IGF2BP2: variants seen among roughly 807,000 people sequenced by gnomAD.
The protein encoded by IGF2BP2 is insulin like growth factor 2 mRNA binding protein 2.
IGF2BP2 carries 17 observed loss-of-function variants against 75.8 expected under a neutral mutation model. That is an observed-to-expected ratio of 0.22 (90% confidence interval 0.15 to 0.34). The LOEUF (loss-of-function observed/expected upper bound fraction) is 0.34, where lower values mean the gene tolerates loss of function less well. Ranked by LOEUF, IGF2BP2 falls within the 10% of genes least tolerant of loss-of-function variation. IGF2BP2 has a pLI of 1.00. For missense variants in IGF2BP2, 516 were observed against 772.4 expected (o/e 0.67, Z 3.93); for synonymous variants, 288 against 295.6 (o/e 0.97, Z 0.26).
intron 2 of IGF2BP2, among the ~76,000 whole-genome samples, chr3:185,818,277 G>C (rs1740868081): frequency 2.0e-5 from 3 of 152,126 alleles, no homozygotes; most frequent in South Asian, 2.1e-4. Context: ...TGTGACAGGG[G>C]ATAGCCAAGT....
intron 13 of IGF2BP2, among the ~76,000 whole-genome samples, chr3:185,650,298 GA>G (rs1714376030): frequency 6.6e-6 from 1 of 151,036 alleles, no homozygotes; most frequent in Admixed American, 6.6e-5. Context: ...TAGTGAAAAA[GA>G]ACCACAGCTT....
chr3:185,794,116 C>T (rs1737015154), intron 2 of IGF2BP2, among the ~76,000 whole-genome samples: 1 of 151,960 alleles, frequency 6.6e-6, no homozygotes. Flanking sequence ...TGCCACCACA[C>T]CTGGCTAATT....
intron 2 of IGF2BP2, among the ~76,000 whole-genome samples, chr3:185,785,989 T>A (rs1245187037): frequency 6.6e-6 from 1 of 152,250 alleles, no homozygotes; most frequent in Non-Finnish European, 1.5e-5. Flanking sequence ...ATTCAGAGGT[T>A]GATAAGATAC....
At chr3:185,750,104 G>A (rs982446598) in intron 2 of IGF2BP2, among the ~76,000 whole-genome samples, 4 of 152,148 alleles carry the variant, frequency 2.6e-5, no homozygotes, top group Admixed American at 2.6e-4. Flanking sequence ...TGAATCTGGG[G>A]TGGGGCCTTA....
intron 2 of IGF2BP2, among the ~76,000 whole-genome samples, chr3:185,811,004 A>G (rs1051269651): frequency 6.6e-6 from 1 of 152,104 alleles, no homozygotes; most frequent in African/African-American, 2.4e-5. Context: ...TTTTTTTCAT[A>G]AACATGTATT....
intron 10 of IGF2BP2, among the ~76,000 whole-genome samples, chr3:185,669,775 A>T (rs1718237214): frequency 6.6e-6 from 1 of 152,210 alleles, no homozygotes; most frequent in South Asian, 2.1e-4. Flanking sequence ...TTGAATGCCT[A>T]TGTGACAGGA....
chr3:185,751,645 C>CA (rs935604419), intron 2 of IGF2BP2, among the ~76,000 whole-genome samples: 3 of 149,304 alleles, frequency 2.0e-5, no homozygotes, highest in African/African-American at 7.4e-5. Flanking sequence ...AACTCCATCT[C>CA]AAAAAAAAGA....
chr3:185,694,217 G>C (rs565135479), intron 4 of IGF2BP2, among the ~76,000 whole-genome samples: 1 of 152,282 alleles, frequency 6.6e-6, no homozygotes, highest in East Asian at 1.9e-4. Flanking sequence ...AAACAGGGGA[G>C]GTGTAGCACA....
At chr3:185,665,578 G>GAGAAAAGGAAGAAGA (rs887296867) in intron 10 of IGF2BP2, among the ~76,000 whole-genome samples, 1 of 145,808 alleles carries the variant, frequency 6.9e-6, no homozygotes, top group East Asian at 2.1e-4. Context: ...GGAGAAGAAG[G>GAGAAAAGGAAGAAGA]AGAAAAGGAA....
chr3:185,757,047 T>C (rs183316629), intron 2 of IGF2BP2, among the ~76,000 whole-genome samples: 41 of 152,256 alleles, frequency 2.7e-4, no homozygotes, highest in Middle Eastern at 3.4e-3. Flanking sequence ...CGATACTCCA[T>C]GGTTCTAGCC....
In IGF2BP2 at chr3:185,782,908, T is replaced by C. The variant is rs573022655; in HGVS notation, c.239+40245A>G. ...TTCTCCCAAAGTCTTGTGGTGGTTA[T>C]TGTTTTCAACTCCATCTTTAAGAGC... On this transcript the variant is annotated intron_variant, in intron 2 of 15. Coordinates refer to ENST00000382199, the MANE Select transcript of IGF2BP2 (RefSeq NM_006548.6). Among the ~76,000 whole-genome samples the C allele has an allele frequency of 5.3e-5, 8 of 152,334 alleles. 1 individual carries two copies. Among genetic ancestry groups the C allele is most frequent in the South Asian group, 4.1e-4 (2 of 4,828 alleles).
At chr3:185,802,911 C>T (rs1037248525) in intron 2 of IGF2BP2, among the ~76,000 whole-genome samples, 1 of 152,180 alleles carries the variant, frequency 6.6e-6, no homozygotes, top group South Asian at 2.1e-4. Context: ...GTAAGCCACC[C>T]GCCCGGCCAG....
rs908634008 is a variant in IGF2BP2, at chr3:185,645,965, C to G, written c.1708-342G>C. ...TACACTTGGGCTCCCGTGCTGCTCC[C>G]GCCCCCGTTCTACAGCGGCTAGGAG... On this transcript the variant is annotated intron_variant, in intron 15 of 15. Transcript: ENST00000382199. This position sits in a 1 kb window ranked among gnomAD's most constrained non-coding sequence, Gnocchi z 4.9. 6.6e-6 allele frequency among the ~76,000 whole-genome samples: 1 copy of G among 152,102 alleles called. No individual in the cohort carries two copies. Among genetic ancestry groups the G allele is most frequent in the African/African-American group, 2.4e-5 (1 of 41,408 alleles).
chr3:185,775,516 A>C (rs1048957694), intron 2 of IGF2BP2, among the ~76,000 whole-genome samples: 20 of 152,336 alleles, frequency 1.3e-4, no homozygotes, highest in African/African-American at 3.6e-4. Flanking sequence ...CAAGCCAAAG[A>C]AGCAGCCTGA....
intron 2 of IGF2BP2, among the ~76,000 whole-genome samples, chr3:185,758,288 T>C (rs1012531149): frequency 6.6e-6 from 1 of 152,148 alleles, no homozygotes; most frequent in African/African-American, 2.4e-5. Context: ...ATCCAAAGTG[T>C]ATATCAATTA....
Position 185,693,048 on chromosome 3 carries a change from T to C in IGF2BP2, c.341-286A>G, listed in dbSNP as rs1722158886. The C allele has an allele frequency of 2.2e-5, 6 of 272,092 alleles. No homozygotes were observed. The East Asian group carries it at 4.3e-4, about 20-fold the overall frequency. 16.9% of individuals were successfully genotyped at this position (272,092 alleles called of 1,614,324 possible). On this transcript the variant is annotated intron_variant, in intron 4 of 15. Transcript: ENST00000382199. ...GTATCAGTACATTTTCTTTGTATTTTTCATTTTTAATGTCTATATAAAATT... is the reference window on the plus strand; with the variant it reads ...GTATCAGTACATTTTCTTTGTATTTCTCATTTTTAATGTCTATATAAAATT...
At chr3:185,793,285 T>C (rs1354282914) in intron 2 of IGF2BP2, among the ~76,000 whole-genome samples, 1 of 152,138 alleles carries the variant, frequency 6.6e-6, no homozygotes, top group Non-Finnish European at 1.5e-5. Context: ...CTGGTGGCCT[T>C]GGGAGAGTGG....
chr3:185,720,400 A>G (rs995332448), intron 2 of IGF2BP2, among the ~76,000 whole-genome samples: 5 of 152,170 alleles, frequency 3.3e-5, no homozygotes, highest in African/African-American at 1.2e-4. Context: ...GCTGGAGTGT[A>G]ATGGTGCGAT....
intron 2 of IGF2BP2, among the ~76,000 whole-genome samples, chr3:185,707,297 T>TC (rs1490934075): frequency 2.7e-5 from 2 of 72,840 alleles, no homozygotes; most frequent in Non-Finnish European, 5.4e-5. Flanking sequence ...CGAAGGGGCT[T>TC]TTTTTTTTTT....
Sources: allele counts gnomAD v4.1 joint callset (sites outside exome capture counted in the v4.1 genomes callset), GRCh38; gene constraint gnomAD v4.1.1; non-coding constraint Gnocchi (gnomAD v3.1); transcripts MANE v1.5; gene names NCBI Gene and HGNC (gene_info 2026-07-23, HGNC 2026-07-21).